The following CCBE1 variants were observed in gnomAD, a reference collection of about 807,000 sequenced individuals.
The protein encoded by CCBE1 is collagen and calcium-binding EGF domain-containing protein 1.
A neutral mutation model predicts 50.0 loss-of-function variants in CCBE1; 37 were observed. The observed-to-expected ratio is 0.74, with a 90% CI of 0.57 to 0.97. The LOEUF (loss-of-function observed/expected upper bound fraction) is 0.97, where lower values mean the gene tolerates loss of function less well. Among genes scored for constraint, CCBE1 ranks in the 50% least tolerant of loss-of-function variants. The pLI is 0.00. For missense variants in CCBE1, 538 were observed against 523.8 expected (o/e 1.03, Z -0.26); for synonymous variants, 234 against 203.7 (o/e 1.15, Z -1.27).
chr18:59,452,289 C>T (rs942063928), intron 6 of CCBE1, among the ~76,000 whole-genome samples: 2 of 151,976 alleles, frequency 1.3e-5, no homozygotes, highest in East Asian at 1.9e-4. Flanking sequence ...AGCAGCAAGA[C>T]GACATTAAAA....
intron 2 of CCBE1, chr18:59,568,070 A>T (rs1599021139): frequency 6.6e-6 from 1 of 152,116 alleles, no homozygotes; most frequent in Non-Finnish European, 1.5e-5. Context: ...AATCCTTTTC[A>T]GGGCAAGAGT....
chr18:59,468,310 G>A (rs768412312), intron 4 of CCBE1, among the ~76,000 whole-genome samples: 7 of 152,184 alleles, frequency 4.6e-5, no homozygotes, highest in Non-Finnish European at 8.8e-5. Context: ...ACAGGAGCAC[G>A]GGAGGTTGAG....
intron 2 of CCBE1, among the ~76,000 whole-genome samples, chr18:59,528,745 A>G (rs7233267): frequency 0.28 from 42,159 of 151,766 alleles, 6,041 homozygotes; most frequent in African/African-American, 0.33. Flanking sequence ...CTGGGGGTTC[A>G]CTCCAGACCC....
chr18:59,518,920 A>G (rs751382754), intron 2 of CCBE1, among the ~76,000 whole-genome samples: 4 of 152,154 alleles, frequency 2.6e-5, no homozygotes, highest in Non-Finnish European at 5.9e-5. Context: ...CCAGGCTCTA[A>G]CTTTATATGA....
At chr18:59,456,891 G>A (rs1189001854) in intron 5 of CCBE1, among the ~76,000 whole-genome samples, 3 of 152,188 alleles carry the variant, frequency 2.0e-5, no homozygotes, top group African/African-American at 7.2e-5. Context: ...GGAAGTTTCA[G>A]AGCTTACCTG....
intron 2 of CCBE1, among the ~76,000 whole-genome samples, chr18:59,569,635 TA>T (rs34318969): frequency 0.31 from 45,975 of 146,756 alleles, 7,610 homozygotes; most frequent in East Asian, 0.57. Context: ...CCCGCCCTTT[TA>T]AAAAAAAAAA....
At chr18:59,595,804 C>T (rs7232723) in intron 2 of CCBE1, among the ~76,000 whole-genome samples, 9,190 of 152,228 alleles carry the variant, frequency 0.06, 824 homozygotes, top group African/African-American at 0.19. Flanking sequence ...AGGATGATTA[C>T]ATTTTAATAC....
chr18:59,451,174 C>T (rs1300995802), intron 6 of CCBE1, among the ~76,000 whole-genome samples: 2 of 152,212 alleles, frequency 1.3e-5, no homozygotes, highest in Middle Eastern at 3.4e-3. Context: ...AGGTGCTCAA[C>T]GAGCACTTCC....
At chr18:59,661,960 C>T (rs2054291895) in intron 2 of CCBE1, among the ~76,000 whole-genome samples, 1 of 125,310 alleles carries the variant, frequency 8.0e-6, no homozygotes, top group East Asian at 2.0e-4. Context: ...GAGTGAGACT[C>T]AGTCTTAAAA....
At chr18:59,697,625 C>A, upstream of CCBE1, 1 of 436,224 alleles carries the variant, frequency 2.3e-6, no homozygotes. Flanking sequence ...GTTGTCTCGT[C>A]GGGACGTTCA....
At chr18:59,620,524 G>T (rs1057003251) in intron 2 of CCBE1, among the ~76,000 whole-genome samples, 6 of 152,152 alleles carry the variant, frequency 3.9e-5, no homozygotes, top group Non-Finnish European at 7.4e-5. Context: ...AATATGGTTT[G>T]GTTGTGTCCC....
intron 2 of CCBE1, among the ~76,000 whole-genome samples, chr18:59,579,399 T>TAAAAAAA (rs111786909): frequency 1.3e-3 from 178 of 141,044 alleles, no homozygotes; most frequent in African/African-American, 4.4e-3. Flanking sequence ...TGGGGATCTT[T>TAAAAAAA]AAAAAAAAAA....
intron 2 of CCBE1, among the ~76,000 whole-genome samples, chr18:59,565,993 C>A (rs2052819871): frequency 1.3e-5 from 2 of 152,066 alleles, no homozygotes; most frequent in African/African-American, 4.8e-5. Context: ...CCTTGGAGAC[C>A]CAAAAGGCAG....
intron 2 of CCBE1, among the ~76,000 whole-genome samples, chr18:59,691,286 G>C (rs1343193552): frequency 5.9e-5 from 9 of 152,252 alleles, no homozygotes; most frequent in Non-Finnish European, 1.0e-4. Context: ...GCCCATGCTA[G>C]AGATGGCCTA....
chr18:59,563,009 G>A (rs144580134), intron 2 of CCBE1, among the ~76,000 whole-genome samples: 34 of 152,310 alleles, frequency 2.2e-4, no homozygotes, highest in Middle Eastern at 6.8e-3. Context: ...CAAGACTGTT[G>A]GCATGTTTAT....
At chr18:59,578,357 A>G (rs1439289155) in intron 2 of CCBE1, among the ~76,000 whole-genome samples, 2 of 152,182 alleles carry the variant, frequency 1.3e-5, no homozygotes, top group Non-Finnish European at 2.9e-5. Flanking sequence ...TGGGAGTGTA[A>G]ATTAGCTCAA....
At chr18:59,544,227 G>A (rs4940893) in intron 2 of CCBE1, among the ~76,000 whole-genome samples, 32,359 of 152,116 alleles carry the variant, frequency 0.21, 3,655 homozygotes, top group Admixed American at 0.24. Context: ...TCCCAGAAAG[G>A]AGAGCTGATT....
chr18:59,601,010 G>GTTTTTTT lies in CCBE1; in HGVS notation c.212+95612_212+95618dup, dbSNP rs71177045. 2.1e-3 allele frequency among the ~76,000 whole-genome samples: 119 copies of GTTTTTTT among 58,004 alleles called. 40 individuals are homozygous for GTTTTTTT. Among genetic ancestry groups the GTTTTTTT allele is most frequent in the Non-Finnish European group, 2.8e-3 (78 of 28,344 alleles). 38.1% of individuals were successfully genotyped at this position (58,004 alleles called of 152,430 possible). ...GATCTATTTTATTAGCTATGTGTCA[G>GTTTTTTT]TTTTTTTTTTTTTTTTTTTTTTTTT... is the stretch of plus-strand genomic sequence containing the variant. On this transcript the variant is annotated intron_variant, in intron 2 of 10. Coordinates refer to ENST00000439986, the MANE Select transcript of CCBE1 (RefSeq NM_133459.4).
At chr18:59,454,304 G>C (rs894580826) in intron 6 of CCBE1, among the ~76,000 whole-genome samples, 1 of 152,160 alleles carries the variant, frequency 6.6e-6, no homozygotes, top group Non-Finnish European at 1.5e-5. Flanking sequence ...GAGTGCAATG[G>C]AGTGGTCCCA....
Sources: gnomAD v4.1 joint callset for allele counts (sites outside exome capture counted in the v4.1 genomes callset) on GRCh38, gnomAD v4.1.1 for gene constraint, MANE v1.5 for transcripts, NCBI Gene and HGNC (gene_info 2026-07-23, HGNC 2026-07-21) for gene names.